The following FLT3LG variants were observed in gnomAD, a reference collection of about 807,000 sequenced individuals.
FLT3LG encodes the protein fms-related tyrosine kinase 3 ligand.
In FLT3LG, 8 loss-of-function variants were observed where a neutral mutation model predicts 30.9. That is an observed-to-expected ratio of 0.26 (90% CI 0.15 to 0.47). The LOEUF is 0.47. Among genes scored for constraint, FLT3LG ranks in the 20% least tolerant of loss-of-function variants. The pLI, the probability that FLT3LG is intolerant of heterozygous loss-of-function variation, is 0.99. For synonymous variants in FLT3LG, 123 were observed against 135.9 expected (o/e 0.91, Z 0.66); for missense variants, 278 against 306.2 (o/e 0.91, Z 0.69).
chr19:49,480,430 T>G lies in FLT3LG; in HGVS notation c.614T>G (p.Leu205Arg). 6.2e-7 allele frequency: 1 copy of G among 1,602,790 alleles called. No homozygotes were observed. Among genetic ancestry groups the G allele is most frequent in the Non-Finnish European group, 8.5e-7 (1 of 1,175,144 alleles). The change falls in exon 7 of 9, where the codon CTG (leucine) becomes CGG (arginine). Residue 205 changes from leucine to arginine, a missense_variant. Physicochemically the swap from Leu to Arg is moderately radical, Grantham distance 102. This residue lies in a region of FLT3LG where 170 missense variants were observed against 162.0 expected (regional missense o/e 1.05). Transcript: ENST00000597551. ...GLLLLAAAWCLHWQRTRRRTP... is the reference protein window; with the variant it reads ...GLLLLAAAWCRHWQRTRRRTP... The stretch of plus-strand genomic sequence containing the variant: ...CTGCTGCTGGCCGCTGCCTGGTGCC[T>G]GCACTGGCAGAGGACGCGGCGGAGG...
At chr19:49,479,277 C>T (rs1308542674) in intron 6 of FLT3LG, among the ~76,000 whole-genome samples, 1 of 150,228 alleles carries the variant, frequency 6.7e-6, no homozygotes, top group Non-Finnish European at 1.5e-5. Flanking sequence ...TCACTGCAAG[C>T]TCCGCCTCTC....
chr19:49,483,157 G>C (rs1480033516), intron 8 of FLT3LG, among the ~76,000 whole-genome samples: 3 of 151,214 alleles, frequency 2.0e-5, no homozygotes, highest in African/African-American at 2.4e-5. Context: ...ATGGATTCTC[G>C]CTCTGTCACC....
rs917193040 is a variant in FLT3LG at position 49,476,491 on chromosome 19, C to T, written c.267C>T (p.Val89=). The part of the protein sequence containing the change: ...AQRWMERLKT[V]AGSKMQGLLE... ...GCTGGATGGAGCGGCTCAAGACTGT[C>T]GCTGGGTCCAAGATGCAAGGCTTGC... The change falls in exon 5 of 9, where the codon GTC becomes GTT. Residue 89 remains valine, a synonymous_variant. Transcript: ENST00000597551. The surrounding 1 kb of genome is among the most constrained non-coding windows in gnomAD (Gnocchi z 5.3). 5.6e-6 allele frequency: 9 copies of T among 1,614,116 alleles called. No individual in the cohort carries two copies. Among genetic ancestry groups the T allele is most frequent in the East Asian group, 4.5e-5 (2 of 44,888 alleles).
In FLT3LG at chr19:49,486,083, T is replaced by C. The variant is rs949943453; in HGVS notation, c.*90T>C. ...ATGCATAGCCTGGACACAGAGGAAG[T>C]TGGCTAGAGGCCGGTCCCTTCCTTG... On this transcript the variant is annotated 3_prime_UTR_variant, in exon 9 of 9. Coordinates refer to ENST00000597551, the MANE Select transcript of FLT3LG (RefSeq NM_001459.4). 6.6e-6 allele frequency: 1 copy of C among 152,556 alleles called. No homozygotes were observed. Among genetic ancestry groups the C allele is most frequent in the Non-Finnish European group, 1.5e-5 (1 of 68,056 alleles). 9.5% of individuals were successfully genotyped at this position (152,556 alleles called of 1,614,324 possible). A position where few individuals can be genotyped will look rare whatever the true frequency, so the allele number is the denominator to read the frequency against.
chr19:49,482,172 CTGTAG>C (rs1696571008), intron 8 of FLT3LG: 1 of 150,790 alleles, frequency 6.6e-6, no homozygotes, highest in Non-Finnish European at 1.5e-5. Flanking sequence ...GTCGCCCAGG[CTGTAG>C]TGCAGTGGCA....
intron 6 of FLT3LG, 92 bp downstream of exon 6, chr19:49,479,139 C>T: frequency 1.7e-6 from 2 of 1,165,904 alleles, no homozygotes; most frequent in South Asian, 4.1e-5. Context: ...CCATCTTTCT[C>T]ATATTGGTTG....
chr19:49,477,606 G>C (rs989310755), intron 5 of FLT3LG, among the ~76,000 whole-genome samples: 2 of 152,112 alleles, frequency 1.3e-5, no homozygotes, highest in Non-Finnish European at 2.9e-5. Flanking sequence ...GCCAGGCATG[G>C]TGGTGGGCAC....
chr19:49,479,103 C>T (rs1387496549), intron 6 of FLT3LG, 56 bp downstream of exon 6: 9 of 1,517,638 alleles, frequency 5.9e-6, no homozygotes, highest in Non-Finnish European at 6.2e-6. Flanking sequence ...GGCCGCTCCT[C>T]CTCTCTGCAC....
intron 6 of FLT3LG, 115 bp from the exon 7 acceptor site, chr19:49,480,183 C>A: frequency 1.4e-6 from 1 of 693,448 alleles, no homozygotes; most frequent in African/African-American, 1.8e-5. Context: ...CAAACTGAGG[C>A]ACAGAGAGGC....
intron 8 of FLT3LG, among the ~76,000 whole-genome samples, chr19:49,482,879 A>C (rs1212022568): frequency 6.6e-6 from 1 of 152,048 alleles, no homozygotes; most frequent in African/African-American, 2.4e-5. Flanking sequence ...CACCCGCCTC[A>C]GCCTCCCAAA....
chr19:49,475,848 C>A (rs572141875), intron 3 of FLT3LG, 47 bp downstream of exon 3: 6 of 1,544,610 alleles, frequency 3.9e-6, no homozygotes, highest in East Asian at 4.5e-5. Flanking sequence ...CCCTTCCCCC[C>A]ACTTTTTTTT....
chr19:49,480,522 C>T (rs1174355071), intron 7 of FLT3LG, 30 bp from the exon 8 acceptor site: 23 of 1,610,202 alleles, frequency 1.4e-5, no homozygotes, highest in Non-Finnish European at 1.8e-5. Flanking sequence ...GAGGGTGGCC[C>T]ACTTGTGGCT....
intron 5 of FLT3LG, among the ~76,000 whole-genome samples, 159 bp from the exon 6 acceptor site, chr19:49,478,750 C>CT (rs1431789855): frequency 1.4e-5 from 2 of 146,844 alleles, no homozygotes; most frequent in African/African-American, 2.6e-5. Context: ...GAGTGAGACT[C>CT]TATCTCAAAA....
At chr19:49,483,741 A>G (rs534670592) in intron 8 of FLT3LG, among the ~76,000 whole-genome samples, 8 of 151,806 alleles carry the variant, frequency 5.3e-5, no homozygotes, top group Admixed American at 4.6e-4. Context: ...AAAACCACAC[A>G]GAAGAGTTTA....
In FLT3LG at chr19:49,480,544, GC is replaced by G; in HGVS notation, c.661-5del. The G allele has an allele frequency of 6.2e-7, 1 of 1,612,454 alleles. No individual in the cohort carries two copies. Among genetic ancestry groups the G allele is most frequent in the South Asian group, 1.1e-5 (1 of 90,772 alleles). ...GCCCACTTGTGGCTGACACTTTGGG[GC>G]CCACAGGTGCCCCCCGTCCCCAGTC... On this transcript the variant is annotated splice_polypyrimidine_tract_variant and splice_region_variant and intron_variant, in intron 7 of 8. Transcript: ENST00000597551.
rs1347067681 is a variant in FLT3LG at position 49,476,199 on chromosome 19, G to GT, written c.198+2dup. 6.2e-7 allele frequency: 1 copy of GT among 1,610,860 alleles called. No homozygotes were observed. The highest frequency in any genetic ancestry group is 8.5e-7 in the Non-Finnish European group (1 of 1,178,154). On this transcript the variant is annotated splice_donor_variant, in intron 4 of 8. Coordinates refer to ENST00000597551, the MANE Select transcript of FLT3LG (RefSeq NM_001459.4). LOFTEE classifies it high-confidence loss of function. The surrounding 1 kb of genome is among the most constrained non-coding windows in gnomAD (Gnocchi z 5.3). ...CACCGTGGCCTCCAACCTGCAGGAC[G>GT]TAAGTCATGTTGGGAGGGACCTGGG...
At chr19:49,478,804 C>A in intron 5 of FLT3LG, 105 bp from the exon 6 acceptor site, 1 of 1,040,856 alleles carries the variant, frequency 9.6e-7, no homozygotes, top group Non-Finnish European at 1.3e-6. Flanking sequence ...AGCCAGAGCT[C>A]ACTGGGCCCT....
At chr19:49,479,483 C>T (rs1213242585) in intron 6 of FLT3LG, among the ~76,000 whole-genome samples, 2 of 146,178 alleles carry the variant, frequency 1.4e-5, no homozygotes, top group Admixed American at 1.4e-4. Context: ...GCGTGAGCCA[C>T]AGTGCCCAGC....
chr19:49,484,777 G>A (rs1267185575), intron 8 of FLT3LG, among the ~76,000 whole-genome samples: 69 of 152,122 alleles, frequency 4.5e-4, no homozygotes, highest in Admixed American at 4.5e-3. Flanking sequence ...TTACAGCCAT[G>A]AGCCGCCCTG....
Sources: gnomAD v4.1 joint callset for allele counts (sites outside exome capture counted in the v4.1 genomes callset) on GRCh38, gnomAD v4.1.1 for gene constraint, gnomAD v4.1.1 regional missense constraint, Gnocchi (gnomAD v3.1) non-coding constraint, MANE v1.5 for transcripts, NCBI Gene and HGNC (gene_info 2026-07-23, HGNC 2026-07-21) for gene names.